NPAS2: variants seen among roughly 807,000 people sequenced by gnomAD.
NPAS2 encodes neuronal PAS domain protein 2.
A neutral mutation model predicts 107.5 loss-of-function variants in NPAS2; 23 were observed. That is an observed-to-expected ratio of 0.21 (90% CI 0.15 to 0.30). NPAS2 has a LOEUF of 0.30. Ranked by LOEUF, NPAS2 falls within the 10% of genes least tolerant of loss-of-function variation. NPAS2 has a pLI of 1.00. For missense variants in NPAS2, 756 were observed against 1,043.3 expected (o/e 0.72, Z 3.79); for synonymous variants, 403 against 417.5 (o/e 0.97, Z 0.42).
intron 1 of NPAS2, among the ~76,000 whole-genome samples, chr2:100,847,606 G>A (rs1166312815): frequency 6.6e-6 from 1 of 152,154 alleles, no homozygotes; most frequent in East Asian, 1.9e-4. Flanking sequence ...TCCTGACCTC[G>A]TGATCCGCCC....
intron 1 of NPAS2, among the ~76,000 whole-genome samples, chr2:100,891,308 T>C (rs1363329543): frequency 6.6e-6 from 1 of 151,196 alleles, no homozygotes; most frequent in Non-Finnish European, 1.5e-5. Flanking sequence ...ACCAACAAGG[T>C]GTGCAGCATT....
At chr2:100,966,635 C>T (rs1676230467) in intron 10 of NPAS2, among the ~76,000 whole-genome samples, 1 of 150,278 alleles carries the variant, frequency 6.7e-6, no homozygotes, top group Non-Finnish European at 1.5e-5. Context: ...GCTCTGTCAC[C>T]CAGGCTGGAG....
intron 19 of NPAS2, among the ~76,000 whole-genome samples, chr2:100,991,118 G>C (rs1006503975): frequency 6.6e-6 from 1 of 152,116 alleles, no homozygotes; most frequent in Non-Finnish European, 1.5e-5. Context: ...ACACCCCACC[G>C]TTTGCCATCA....
chr2:100,961,410 T>C (rs1300601220), intron 7 of NPAS2, among the ~76,000 whole-genome samples: 1 of 152,238 alleles, frequency 6.6e-6, no homozygotes, highest in African/African-American at 2.4e-5. Flanking sequence ...TCATCCTTGA[T>C]TTATTATCAC....
chr2:100,926,108 T>C (rs1411338792), intron 3 of NPAS2, among the ~76,000 whole-genome samples: 3 of 152,192 alleles, frequency 2.0e-5, no homozygotes. Flanking sequence ...AGTACTTCAT[T>C]CCGTTTCATG....
intron 1 of NPAS2, among the ~76,000 whole-genome samples, chr2:100,891,028 C>T (rs529583732): frequency 3.3e-5 from 5 of 152,182 alleles, no homozygotes; most frequent in Non-Finnish European, 5.9e-5. Flanking sequence ...GTCAGGAGAT[C>T]GAGACCATCC....
chr2:100,967,676 T>C (rs1676304714), intron 10 of NPAS2, among the ~76,000 whole-genome samples: 1 of 152,214 alleles, frequency 6.6e-6, no homozygotes, highest in Non-Finnish European at 1.5e-5. Context: ...CTGCCCAGGC[T>C]TGATACACCA....
intron 18 of NPAS2, 59 bp from the exon 19 acceptor site, chr2:100,990,721 C>T: frequency 6.9e-7 from 1 of 1,457,572 alleles, no homozygotes; most frequent in Non-Finnish European, 9.6e-7. Flanking sequence ...GCTGCCACGA[C>T]CAGTGGGTCT....
chr2:100,878,128 C>A (rs1273655473), intron 1 of NPAS2: 1 of 985,278 alleles, frequency 1.0e-6, no homozygotes, highest in African/African-American at 1.7e-5. Context: ...GCAGCTGAGA[C>A]AAGCAGCCTG....
At position 100,996,466 on chromosome 2, in the gene NPAS2, C is replaced by G. The variant is rs1363158125; in HGVS notation, c.*884C>G. ...AGACAGGCCTGGGGGACTGCAGTCCCCAAGGAGACCCTGCCACATGCTGGC... is the reference window on the plus strand; with the variant it reads ...AGACAGGCCTGGGGGACTGCAGTCCGCAAGGAGACCCTGCCACATGCTGGC... On this transcript the variant is annotated 3_prime_UTR_variant, in exon 21 of 21. Coordinates refer to ENST00000335681, the MANE Select transcript of NPAS2 (RefSeq NM_002518.4). 1 of 152,638 alleles carries G rather than the reference C, an allele frequency of 6.6e-6. No homozygotes were observed. The highest frequency in any genetic ancestry group is 1.5e-5 in the Non-Finnish European group (1 of 68,088). The allele number at this position is 152,638 out of a possible 1,614,324, so 9.5% of individuals were successfully genotyped here. A position where few individuals can be genotyped will look rare whatever the true frequency, so the allele number is the denominator to read the frequency against.
chr2:100,974,959 A>G lies in NPAS2; in HGVS notation c.1282+15A>G. ...AGAACCCACCTGTGAGTGCGAGTCC[A>G]TGGATGGGGAGTGGGATGTCCACAT... On this transcript the variant is annotated intron_variant, in intron 13 of 20. Transcript: ENST00000335681. 6.2e-7 allele frequency: 1 copy of G among 1,613,356 alleles called. No homozygotes were observed. The highest frequency in any genetic ancestry group is 8.5e-7 in the Non-Finnish European group (1 of 1,179,582).
chr2:100,877,482 A>G (rs1680053989), intron 1 of NPAS2, among the ~76,000 whole-genome samples: 1 of 151,574 alleles, frequency 6.6e-6, no homozygotes, highest in Non-Finnish European at 1.5e-5. Flanking sequence ...TGGTTGAAAT[A>G]AGAGAGCTTT....
chr2:100,982,161 G>A lies in NPAS2; in HGVS notation c.1483-70G>A, dbSNP rs147265858. 293 of 1,569,124 alleles carry A rather than the reference G, an allele frequency of 1.9e-4. 2 individuals carry two copies. In the African/African-American group the frequency reaches 3.4e-3, roughly 18 times the overall value. On this transcript the variant is annotated intron_variant, in intron 15 of 20. Transcript: ENST00000335681. ...GGAAATGAAGTGTACAGACCGAGCA[G>A]CAGCAAGATCTGCCTGCAAGGCTGA... is the stretch of plus-strand genomic sequence containing the variant.
At chr2:100,962,135 G>C (rs1355449713) in intron 7 of NPAS2, among the ~76,000 whole-genome samples, 1 of 152,134 alleles carries the variant, frequency 6.6e-6, no homozygotes, top group Non-Finnish European at 1.5e-5. Context: ...AAGCCAACTT[G>C]TGACAGATGT....
rs549096348 is a variant in NPAS2 at position 100,929,710 on chromosome 2, G to A, written c.182-3200G>A. The stretch of plus-strand genomic sequence containing the variant: ...CAAATCAGGGCTGTTTGTTGTAGAG[G>A]GTGGAGAGCCTTTCACCAGCAGATG... On this transcript the variant is annotated intron_variant, in intron 3 of 20. Transcript: ENST00000335681. 3.3e-5 allele frequency among the ~76,000 whole-genome samples: 5 copies of A among 152,276 alleles called. No individual in the cohort carries two copies. In the East Asian group the frequency reaches 7.7e-4, roughly 24 times the overall value.
chr2:100,979,502 A>ATATATATT (rs1403246843), intron 15 of NPAS2, among the ~76,000 whole-genome samples: 2 of 43,334 alleles, frequency 4.6e-5, no homozygotes, highest in African/African-American at 2.0e-4. Flanking sequence ...ATATATATAT[A>ATATATATT]TTTTTTTTTT....
intron 20 of NPAS2, 68 bp from the exon 21 acceptor site, chr2:100,995,332 G>A: frequency 3.5e-6 from 5 of 1,437,348 alleles, no homozygotes; most frequent in Non-Finnish European, 4.8e-6. Context: ...GCCCCGCACT[G>A]CCTTGTAAGA....
chr2:100,943,864 AG>A (rs773516977), intron 5 of NPAS2, among the ~76,000 whole-genome samples: 4 of 152,346 alleles, frequency 2.6e-5, no homozygotes, highest in Admixed American at 2.6e-4. Flanking sequence ...CCAGATGCCA[AG>A]GCAGCATATA....
chr2:100,950,263 A>G (rs1675142991), intron 7 of NPAS2, among the ~76,000 whole-genome samples: 1 of 152,198 alleles, frequency 6.6e-6, no homozygotes, highest in African/African-American at 2.4e-5. Flanking sequence ...AACAGCTAAC[A>G]TTTCATAAAG....
Sources: allele counts gnomAD v4.1 joint callset (sites outside exome capture counted in the v4.1 genomes callset), GRCh38; gene constraint gnomAD v4.1.1; transcripts MANE v1.5; gene names NCBI Gene and HGNC (gene_info 2026-07-23, HGNC 2026-07-21).